THRB: variants seen among roughly 807,000 people sequenced by gnomAD.
THRB encodes the protein thyroid hormone receptor beta.
A neutral mutation model predicts 47.8 loss-of-function variants in THRB; 12 were observed. The ratio of observed to expected loss-of-function variants is 0.25; its 90% CI spans 0.16 to 0.41. The LOEUF (loss-of-function observed/expected upper bound fraction) is 0.41. THRB is among the 10% of genes least tolerant of loss of function. THRB has a pLI of 1.00. For synonymous variants in THRB, 218 were observed against 212.2 expected (o/e 1.03, Z -0.24); for missense variants, 348 against 589.2 (o/e 0.59, Z 4.24).
intron 1 of THRB, among the ~76,000 whole-genome samples, chr3:24,416,204 G>T (rs2068719363): frequency 6.6e-6 from 1 of 151,720 alleles, no homozygotes; most frequent in African/African-American, 2.4e-5. Context: ...GACCTGTAAG[G>T]AGTAGATACA....
intron 1 of THRB, among the ~76,000 whole-genome samples, chr3:24,460,693 G>A (rs1023885201): frequency 1.6e-4 from 24 of 152,118 alleles, no homozygotes; most frequent in Non-Finnish European, 3.1e-4. Flanking sequence ...AACTTTTAGA[G>A]GATTCATCCA....
At chr3:24,436,014 G>T (rs1426906827) in intron 1 of THRB, among the ~76,000 whole-genome samples, 2 of 152,136 alleles carry the variant, frequency 1.3e-5, no homozygotes, top group Non-Finnish European at 2.9e-5. Context: ...AGAAAGTGGG[G>T]ATTGGGAGAG....
At chr3:24,400,118 T>C (rs901271067) in intron 1 of THRB, among the ~76,000 whole-genome samples, 4 of 152,084 alleles carry the variant, frequency 2.6e-5, no homozygotes, top group Admixed American at 6.5e-5. Context: ...TTAATGACCA[T>C]AGGCCAAGGT....
intron 2 of THRB, among the ~76,000 whole-genome samples, chr3:24,322,249 A>C (rs1320988847): frequency 6.6e-6 from 1 of 152,200 alleles, no homozygotes; most frequent in Non-Finnish European, 1.5e-5. Flanking sequence ...TTAATCACTT[A>C]GCCAGGAAAA....
intron 1 of THRB, among the ~76,000 whole-genome samples, chr3:24,385,936 T>A (rs1577238489): frequency 6.6e-6 from 1 of 152,162 alleles, no homozygotes. Context: ...CAGTGGCAGG[T>A]TACTTCATGT....
intron 3 of THRB, among the ~76,000 whole-genome samples, chr3:24,239,114 GTATTTT>G (rs1246702559): frequency 6.6e-6 from 1 of 152,142 alleles, no homozygotes; most frequent in East Asian, 1.9e-4. Context: ...GCTAAGTTTT[GTATTTT>G]AAGTAGACCC....
chr3:24,178,430 G>A (rs2041460610), intron 5 of THRB, among the ~76,000 whole-genome samples: 1 of 152,138 alleles, frequency 6.6e-6, no homozygotes, highest in Admixed American at 6.5e-5. Context: ...GTTCAGGGCT[G>A]CAGTGAGCTA....
chr3:24,467,693 C>A (rs960091189), intron 1 of THRB, among the ~76,000 whole-genome samples: 1 of 152,152 alleles, frequency 6.6e-6, no homozygotes. Context: ...AGTAGTAGGT[C>A]TCAACAGTGA....
intron 1 of THRB, among the ~76,000 whole-genome samples, chr3:24,440,323 A>G (rs1285478887): frequency 6.6e-6 from 1 of 152,162 alleles, no homozygotes; most frequent in Admixed American, 6.5e-5. Flanking sequence ...TACCCTCATC[A>G]AAATCATTGA....
At chr3:24,431,799 A>T (rs1287683166) in intron 1 of THRB, among the ~76,000 whole-genome samples, 2 of 152,148 alleles carry the variant, frequency 1.3e-5, no homozygotes, top group Non-Finnish European at 2.9e-5. Flanking sequence ...AGAGTATTAT[A>T]CAGCAGTGGA....
At chr3:24,162,486 C>T (rs1350705862) in intron 5 of THRB, among the ~76,000 whole-genome samples, 1 of 152,036 alleles carries the variant, frequency 6.6e-6, no homozygotes, top group Non-Finnish European at 1.5e-5. Flanking sequence ...TTTGTTTTTT[C>T]ATAATCCATA....
chr3:24,359,630 A>G (rs1299136899), intron 1 of THRB, among the ~76,000 whole-genome samples: 1 of 152,086 alleles, frequency 6.6e-6, no homozygotes, highest in Non-Finnish European at 1.5e-5. Flanking sequence ...TAACAACTCT[A>G]GACTTTTCTA....
chr3:24,316,403 GTTCC>G (rs1188259362), intron 2 of THRB, among the ~76,000 whole-genome samples: 2 of 148,274 alleles, frequency 1.3e-5, no homozygotes, highest in Non-Finnish European at 3.0e-5. Flanking sequence ...TTCTCCCTCG[GTTCC>G]TTCCTTCCTT....
intron 1 of THRB, among the ~76,000 whole-genome samples, chr3:24,470,655 C>T (rs1012544477): frequency 1.7e-4 from 26 of 152,190 alleles, no homozygotes; most frequent in African/African-American, 6.0e-4. Flanking sequence ...GTCACTTCTT[C>T]TCCCAGGCTG....
At chr3:24,183,368 CTTT>C (rs1193344905) in intron 5 of THRB, among the ~76,000 whole-genome samples, 2 of 84,266 alleles carry the variant, frequency 2.4e-5, no homozygotes, top group Non-Finnish European at 5.1e-5. Flanking sequence ...TTTTTCTTTT[CTTT>C]TTTTTTTTTT....
chr3:24,487,569 T>C (rs1697497007), intron 1 of THRB, among the ~76,000 whole-genome samples: 1 of 152,128 alleles, frequency 6.6e-6, no homozygotes, highest in Non-Finnish European at 1.5e-5. Context: ...AAGAAGAGGA[T>C]CTGTCAACAT....
intron 1 of THRB, among the ~76,000 whole-genome samples, chr3:24,341,926 C>A (rs2062682550): frequency 6.6e-6 from 1 of 151,962 alleles, no homozygotes; most frequent in South Asian, 2.1e-4. Context: ...ATAAGACAGC[C>A]CAAGGAAGAT....
intron 4 of THRB, among the ~76,000 whole-genome samples, chr3:24,204,934 A>G (rs13064080): frequency 0.53 from 80,700 of 151,952 alleles, 22,957 homozygotes; most frequent in African/African-American, 0.76. Flanking sequence ...GAAATGAAGC[A>G]AGAAGAGAAG....
In THRB at chr3:24,171,987, A is replaced by G. The variant is rs186238782; in HGVS notation, c.283+18087T>C. On this transcript the variant is annotated intron_variant, in intron 5 of 10. Transcript: ENST00000646209. ...GATCTAAAGAGAAAACAATAAAAAT[A>G]AACTTTATAATCAAATGAGTTTGGG... 9.1e-4 allele frequency among the ~76,000 whole-genome samples: 139 copies of G among 152,330 alleles called. 1 individual carries two copies. Among genetic ancestry groups the G allele is most frequent in the Non-Finnish European group, 7.6e-4 (52 of 68,034 alleles).
Sources: gnomAD v4.1 joint callset for allele counts (sites outside exome capture counted in the v4.1 genomes callset) on GRCh38, gnomAD v4.1.1 for gene constraint, MANE v1.5 for transcripts, NCBI Gene and HGNC (gene_info 2026-07-23, HGNC 2026-07-21) for gene names.